Variants in TVP23C observed in about 807,000 individuals in gnomAD.
TVP23C encodes the protein Golgi apparatus membrane protein TVP23 homolog C.
TVP23C carries 19 observed loss-of-function variants against 28.7 expected under a neutral mutation model. The ratio of observed to expected loss-of-function variants is 0.66; its 90% confidence interval spans 0.46 to 0.97. The LOEUF is 0.97. TVP23C is among the 50% of genes least tolerant of loss of function. TVP23C has a pLI of 0.00. For synonymous variants in TVP23C, 68 were observed against 81.7 expected, an observed-to-expected ratio of 0.83 and a Z score of 0.90; for missense variants, 186 against 241.3, an observed-to-expected ratio of 0.77 and a Z score of 1.52.
intron 5 of TVP23C, among the ~76,000 whole-genome samples, chr17:15,518,436 C>T (rs2150833775): frequency 6.6e-6 from 1 of 152,318 alleles, no homozygotes; most frequent in Non-Finnish European, 1.5e-5. Flanking sequence ...CCTTGGCACT[C>T]AGCTGAACCA....
In TVP23C at chr17:15,545,818, A is replaced by C. The variant is rs1983620619; in HGVS notation, c.429T>G (p.Phe143Leu). ...ACSVLWVIFA[F>L]SALFSFTVKW... is the part of the protein sequence containing the mutation. Reference sequence around the variant, plus strand: ...TTACTGTGAAGGAGAAGAGTGCACTAAAGGCAAATATCACCCACAGTACTG... The same window carrying C: ...TTACTGTGAAGGAGAAGAGTGCACTCAAGGCAAATATCACCCACAGTACTG... The change falls in exon 5 of 6, where the codon TTT becomes TTG. Residue 143 changes from phenylalanine to leucine, a missense_variant. Physicochemically the swap from Phe to Leu is conservative, Grantham distance 22. Transcript: ENST00000518321. 1.2e-6 allele frequency: 2 copies of C among 1,614,110 alleles called. No homozygotes were observed. Among genetic ancestry groups the C allele is most frequent in the African/African-American group, 1.3e-5 (1 of 75,064 alleles).
At chr17:15,523,218 T>G (rs890870961) in intron 5 of TVP23C, among the ~76,000 whole-genome samples, 1 of 151,590 alleles carries the variant, frequency 6.6e-6, no homozygotes, top group Admixed American at 6.6e-5. Context: ...TTGCCCAGAC[T>G]GGTCTCGAAT....
intron 5 of TVP23C, among the ~76,000 whole-genome samples, chr17:15,525,302 C>T (rs982834772): frequency 4.1e-4 from 62 of 152,352 alleles, no homozygotes; most frequent in African/African-American, 1.5e-3. Context: ...ATAGCGTTTA[C>T]AGACAGCTGG....
At chr17:15,561,630 GAATAAATAAATA>G (rs374284414) in intron 1 of TVP23C, among the ~76,000 whole-genome samples, 11,244 of 131,442 alleles carry the variant, frequency 0.086, 223 homozygotes, top group African/African-American at 0.17. Context: ...ATGAATGAAT[GAATAAATAAATA>G]AATAAATAAA....
intron 5 of TVP23C, among the ~76,000 whole-genome samples, chr17:15,542,063 A>G (rs1983433126): frequency 6.6e-6 from 1 of 152,202 alleles, no homozygotes; most frequent in Non-Finnish European, 1.5e-5. Context: ...ATAAACTAAT[A>G]CCAACAAACA....
At chr17:15,555,054 T>TTAAAATCCA in intron 2 of TVP23C, among the ~76,000 whole-genome samples, 1 of 152,226 alleles carries the variant, frequency 6.6e-6, no homozygotes, top group Non-Finnish European at 1.5e-5. Flanking sequence ...AAAACACAGG[T>TTAAAATCCA]GTTCAAATAA....
At chr17:15,519,130 A>G (rs1399851333) in intron 5 of TVP23C, among the ~76,000 whole-genome samples, 1 of 152,118 alleles carries the variant, frequency 6.6e-6, no homozygotes. Flanking sequence ...TTCTTTTTAT[A>G]AATTACCCAG....
At chr17:15,529,949 C>A (rs1412543798) in intron 5 of TVP23C, among the ~76,000 whole-genome samples, 1 of 152,070 alleles carries the variant, frequency 6.6e-6, no homozygotes, top group East Asian at 1.9e-4. Flanking sequence ...CAGGTGCCCA[C>A]CACCACACCC....
chr17:15,557,454 T>C (rs1030308412), intron 1 of TVP23C, among the ~76,000 whole-genome samples: 1 of 147,860 alleles, frequency 6.8e-6, no homozygotes, highest in Non-Finnish European at 1.5e-5. Context: ...CTCGGCTAAT[T>C]AGCCTGGCTA....
chr17:15,504,333 GAC>G (rs1981625759), intron 5 of TVP23C, among the ~76,000 whole-genome samples: 1 of 152,182 alleles, frequency 6.6e-6, no homozygotes, highest in African/African-American at 2.4e-5. Flanking sequence ...GGGGTTTGGT[GAC>G]ACAGAGGCAG....
intron 1 of TVP23C, among the ~76,000 whole-genome samples, chr17:15,559,484 T>C (rs1270749913): frequency 6.7e-6 from 1 of 148,732 alleles, no homozygotes; most frequent in Non-Finnish European, 1.5e-5. Flanking sequence ...AAAAAAGCAT[T>C]GAAAGGGAGA....
chr17:15,560,870 A>G (rs1984351177), intron 1 of TVP23C, among the ~76,000 whole-genome samples: 1 of 150,152 alleles, frequency 6.7e-6, no homozygotes, highest in Non-Finnish European at 1.5e-5. Context: ...TCATTTTTTA[A>G]GGTAAGAGAA....
At chr17:15,525,959 G>A (rs892879787) in intron 5 of TVP23C, among the ~76,000 whole-genome samples, 2 of 152,184 alleles carry the variant, frequency 1.3e-5, no homozygotes, top group African/African-American at 4.8e-5. Context: ...AAGAGTCAAA[G>A]AGATTAAGTA....
chr17:15,555,464 T>C, intron 1 of TVP23C, 100 bp from the exon 2 acceptor site: 1 of 1,511,796 alleles, frequency 6.6e-7, no homozygotes, highest in Non-Finnish European at 9.0e-7. Flanking sequence ...GAAGATAAAA[T>C]AATGTGGTTA....
rs138170654 is a variant in TVP23C, at chr17:15,553,799, G to A, written c.126C>T (p.Phe42=). Reference sequence around the variant, plus strand: ...AGACGATGATTGCACTGACTCGAAAGAATAAGTGGAAAAACGATGCTACTG... The same window carrying A: ...AGACGATGATTGCACTGACTCGAAAAAATAAGTGGAAAAACGATGCTACTG... ...RHPVASFFHL[F]FRVSAIIVCL... is the part of the protein sequence containing the mutation. Residue 42 remains phenylalanine (F), a synonymous_variant, in exon 3 of 6, where the codon TTC becomes TTT. Coordinates refer to ENST00000518321, the MANE Select transcript of TVP23C (RefSeq NM_001135036.2). 525 of 1,613,830 alleles carry A rather than the reference G, an allele frequency of 3.3e-4. 3 individuals carry two copies. In the African/African-American group the frequency reaches 6.2e-3, roughly 19 times the overall value.
At chr17:15,529,401 G>A (rs1382054163) in intron 5 of TVP23C, among the ~76,000 whole-genome samples, 7 of 152,124 alleles carry the variant, frequency 4.6e-5, no homozygotes, top group Admixed American at 4.6e-4. Flanking sequence ...GCAGTGAGCC[G>A]AGTCAGCGCC....
At chr17:15,520,037 A>G (rs574526199) in intron 5 of TVP23C, among the ~76,000 whole-genome samples, 4 of 151,928 alleles carry the variant, frequency 2.6e-5, no homozygotes, top group South Asian at 4.1e-4. Context: ...ACTTGCCACT[A>G]CAGAAGCTCC....
chr17:15,552,464 T>C (rs961068002), intron 3 of TVP23C, among the ~76,000 whole-genome samples: 1 of 152,060 alleles, frequency 6.6e-6, no homozygotes, highest in Non-Finnish European at 1.5e-5. Context: ...GGCAGATCAC[T>C]TGACGTCAGA....
chr17:15,559,749 G>A (rs964880174), intron 1 of TVP23C, among the ~76,000 whole-genome samples: 1 of 126,328 alleles, frequency 7.9e-6, no homozygotes, highest in Non-Finnish European at 1.7e-5. Context: ...AGGATTTGCT[G>A]ATGGACTGAC....
Sources: gnomAD v4.1 joint callset for allele counts (sites outside exome capture counted in the v4.1 genomes callset) on GRCh38, gnomAD v4.1.1 for gene constraint, MANE v1.5 for transcripts, NCBI Gene and HGNC (gene_info 2026-07-23, HGNC 2026-07-21) for gene names.